Variants in CUX1 observed in about 807,000 individuals in gnomAD.
The protein encoded by CUX1 is cut like homeobox 1.
CUX1 carries 31 observed loss-of-function variants against 158.8 expected under a neutral mutation model. The observed-to-expected ratio is 0.20, with a 90% CI of 0.15 to 0.26. The LOEUF is 0.26. Among genes scored for constraint, CUX1 ranks in the 10% least tolerant of loss-of-function variants. The pLI, the probability that CUX1 is intolerant of heterozygous loss-of-function variation, is 1.00. For synonymous variants in CUX1, 879 were observed against 862.1 expected (o/e 1.02, Z -0.34); for missense variants, 1,589 against 2,014.6 (o/e 0.79, Z 4.04).
intron 8 of CUX1, among the ~76,000 whole-genome samples, chr7:102,129,313 C>A (rs1554496400): frequency 1.3e-5 from 2 of 152,178 alleles, no homozygotes; most frequent in African/African-American, 4.8e-5. Flanking sequence ...TGAGGTGCCA[C>A]TAAATGTGGT....
intron 1 of CUX1, among the ~76,000 whole-genome samples, chr7:101,820,479 C>T (rs920103961): frequency 4.1e-4 from 62 of 152,202 alleles, no homozygotes; most frequent in African/African-American, 1.4e-3. Context: ...TTCAAATATA[C>T]AGGATCCAGG....
intron 17 of CUX1, chr7:102,275,458 C>G: frequency 1.1e-6 from 1 of 947,758 alleles, no homozygotes; most frequent in Non-Finnish European, 1.6e-6. Flanking sequence ...AGACCGTAAA[C>G]CTCAGGGGGA....
chr7:102,165,344 G>T (rs905893658), intron 9 of CUX1, among the ~76,000 whole-genome samples: 38 of 148,532 alleles, frequency 2.6e-4, no homozygotes, highest in Non-Finnish European at 4.9e-4. Context: ...TGCGGTTAGG[G>T]GAAAGCTTTT....
intron 4 of CUX1, among the ~76,000 whole-genome samples, chr7:102,083,026 T>C (rs1554479312): frequency 6.8e-6 from 1 of 147,370 alleles, no homozygotes; most frequent in East Asian, 1.9e-4. Context: ...CTTTTCAATG[T>C]AGATGTATCT....
chr7:102,146,455 C>CT (rs1554502063), intron 8 of CUX1, among the ~76,000 whole-genome samples: 1 of 152,216 alleles, frequency 6.6e-6, no homozygotes. Flanking sequence ...TATACTCGGA[C>CT]TGGCTAAAGG....
intron 15 of CUX1, 109 bp downstream of exon 15, chr7:102,197,414 C>A: frequency 7.7e-7 from 1 of 1,307,084 alleles, no homozygotes; most frequent in Non-Finnish European, 1.1e-6. Context: ...ATTTGTGCAT[C>A]ACATCAGGTA....
chr7:102,263,838 G>A (rs960142700), intron 14 of CUX1, among the ~76,000 whole-genome samples: 7 of 151,414 alleles, frequency 4.6e-5, no homozygotes, highest in Non-Finnish European at 8.8e-5. Flanking sequence ...AATTACAGGC[G>A]TGCATCACCA....
rs527258978 is a variant in CUX1, at chr7:102,013,950, C to T, written c.142-14148C>T. Among the ~76,000 whole-genome samples the T allele has an allele frequency of 3.6e-4, 55 of 152,288 alleles. 1 individual carries two copies. The highest frequency in any genetic ancestry group is 6.6e-4 in the Non-Finnish European group (45 of 68,016). On this transcript the variant is annotated intron_variant, in intron 2 of 23. Transcript: ENST00000292535. ...GAACTCCTGGGCTCAAGCAATCCTC[C>T]CACCTCAGCCTCCCAAAGTGCTGGG...
chr7:102,121,038 G>A (rs560283746), intron 8 of CUX1, among the ~76,000 whole-genome samples: 1 of 152,298 alleles, frequency 6.6e-6, no homozygotes, highest in South Asian at 2.1e-4. Flanking sequence ...ACTCCAGCCT[G>A]AGTGACAAAA....
intron 1 of CUX1, among the ~76,000 whole-genome samples, chr7:101,846,253 G>C (rs1191119192): frequency 6.6e-6 from 1 of 152,024 alleles, no homozygotes. Context: ...TGCCAGGGCT[G>C]ATGCCCATAG....
intron 1 of CUX1, among the ~76,000 whole-genome samples, chr7:101,853,192 C>T (rs1415838107): frequency 6.6e-6 from 1 of 152,074 alleles, no homozygotes; most frequent in African/African-American, 2.4e-5. Context: ...GACAGGTGAC[C>T]CATCCTAAGT....
intron 2 of CUX1, among the ~76,000 whole-genome samples, chr7:101,947,483 G>A (rs374890514): frequency 3.3e-5 from 5 of 152,262 alleles, no homozygotes; most frequent in African/African-American, 1.2e-4. Flanking sequence ...AGTTAATCCC[G>A]CACACACCTT....
intron 8 of CUX1, among the ~76,000 whole-genome samples, chr7:102,132,357 TAAG>T (rs1563288674): frequency 6.6e-6 from 1 of 151,428 alleles, no homozygotes; most frequent in Non-Finnish European, 1.5e-5. Flanking sequence ...TACAGAACAA[TAAG>T]AAAAAGTTTC....
At chr7:102,064,225 AGT>A (rs1057120480) in intron 3 of CUX1, among the ~76,000 whole-genome samples, 5 of 151,764 alleles carry the variant, frequency 3.3e-5, no homozygotes, top group African/African-American at 1.2e-4. Context: ...TCTGTGTGAG[AGT>A]GTGTGTGAAA....
chr7:101,824,211 C>G (rs866291149), intron 1 of CUX1, among the ~76,000 whole-genome samples: 7 of 152,208 alleles, frequency 4.6e-5, no homozygotes, highest in African/African-American at 9.6e-5. Flanking sequence ...CCTCAGCCCC[C>G]CCGAGTAGCT....
chr7:101,915,658 C>G (rs756948115), intron 1 of CUX1, among the ~76,000 whole-genome samples: 1 of 152,132 alleles, frequency 6.6e-6, no homozygotes, highest in Non-Finnish European at 1.5e-5. Flanking sequence ...GACGGCCACA[C>G]GGAATGCCCC....
intron 4 of CUX1, among the ~76,000 whole-genome samples, chr7:102,078,442 G>C (rs1827015339): frequency 1.3e-5 from 2 of 152,146 alleles, no homozygotes; most frequent in African/African-American, 4.8e-5. Flanking sequence ...GAACTTCTGT[G>C]CTTTGGTTGC....
chr7:101,986,848 C>CA (rs1356448336), intron 2 of CUX1, among the ~76,000 whole-genome samples: 1 of 152,206 alleles, frequency 6.6e-6, no homozygotes, highest in African/African-American at 2.4e-5. Flanking sequence ...TTCTCCAACT[C>CA]AGAGCTGATG....
chr7:101,908,870 G>A (rs1803071274), intron 1 of CUX1, among the ~76,000 whole-genome samples: 1 of 152,228 alleles, frequency 6.6e-6, no homozygotes, highest in South Asian at 2.1e-4. Context: ...ATTATGTCCA[G>A]AGAAAGGAAG....
Sources: gnomAD v4.1 joint callset for allele counts (sites outside exome capture counted in the v4.1 genomes callset) on GRCh38, gnomAD v4.1.1 for gene constraint, MANE v1.5 for transcripts, NCBI Gene and HGNC (gene_info 2026-07-23, HGNC 2026-07-21) for gene names.